The following ME3 variants were observed in gnomAD, a reference collection of about 807,000 sequenced individuals.
ME3 encodes the protein malic enzyme 3, also known as NADP-dependent malic enzyme, mitochondrial.
A neutral mutation model predicts 68.9 loss-of-function variants in ME3; 48 were observed. The ratio of observed to expected loss-of-function variants is 0.70; its 90% confidence interval spans 0.55 to 0.89. The LOEUF is 0.89. Among genes scored for constraint, ME3 ranks in the 40% least tolerant of loss-of-function variants. The pLI is 0.00. For synonymous variants in ME3, 320 were observed against 318.8 expected, an observed-to-expected ratio of 1.00 and a Z score of -0.04; for missense variants, 675 against 797.4, an observed-to-expected ratio of 0.85 and a Z score of 1.85.
intron 4 of ME3, among the ~76,000 whole-genome samples, chr11:86,537,138 G>C (rs1300541574): frequency 6.7e-6 from 1 of 149,246 alleles, no homozygotes; most frequent in African/African-American, 2.5e-5. Context: ...GACTGTTGTG[G>C]GGTGGGGGGA....
chr11:86,583,131 C>T (rs7938505), intron 2 of ME3, among the ~76,000 whole-genome samples: 77,882 of 151,792 alleles, frequency 0.51, 21,537 homozygotes, highest in African/African-American at 0.72. Flanking sequence ...CTGTCCACCA[C>T]CAGACCCACC....
intron 4 of ME3, among the ~76,000 whole-genome samples, chr11:86,531,377 A>T (rs1307371047): frequency 1.3e-5 from 2 of 152,078 alleles, no homozygotes; most frequent in African/African-American, 4.8e-5. Flanking sequence ...GTGGAGAAAT[A>T]GGAACACTTT....
chr11:86,537,363 C>A (rs1212357189), intron 4 of ME3, among the ~76,000 whole-genome samples: 1 of 151,382 alleles, frequency 6.6e-6, no homozygotes, highest in Non-Finnish European at 1.5e-5. Context: ...ATAATAATTG[C>A]AAATTAAGTT....
In ME3 at chr11:86,494,109, G is replaced by C. The variant is rs1006160902; in HGVS notation, c.705+3854C>G. ...CACATAGTGAATCCATTTGAAAAGA[G>C]AAAAATCACCATCTTCCTAATGTTG... On this transcript the variant is annotated intron_variant, in intron 6 of 14. Coordinates refer to ENST00000543262, the Ensembl canonical transcript of ME3. Among the ~76,000 whole-genome samples the C allele has an allele frequency of 2.6e-5, 4 of 151,906 alleles. No homozygotes were observed. The East Asian group carries it at 7.7e-4, about 29-fold the overall frequency.
intron 2 of ME3, among the ~76,000 whole-genome samples, chr11:86,591,998 G>A (rs1180963517): frequency 1.3e-5 from 2 of 152,156 alleles, no homozygotes; most frequent in East Asian, 1.9e-4. Flanking sequence ...GCAGTGTTTT[G>A]TTATGGGAGC....
At chr11:86,520,796 T>C (rs1259091723) in intron 4 of ME3, among the ~76,000 whole-genome samples, 2 of 152,158 alleles carry the variant, frequency 1.3e-5, no homozygotes, top group Non-Finnish European at 2.9e-5. Context: ...TTTCTCTGAA[T>C]GTGAGAATGG....
At chr11:86,477,229 A>C (rs961992708) in intron 7 of ME3, among the ~76,000 whole-genome samples, 1 of 152,226 alleles carries the variant, frequency 6.6e-6, no homozygotes, top group African/African-American at 2.4e-5. Flanking sequence ...ATTGGAACTC[A>C]GGCAGTCTAG....
intron 2 of ME3, among the ~76,000 whole-genome samples, chr11:86,650,431 T>C (rs1225181220): frequency 1.3e-5 from 2 of 152,164 alleles, no homozygotes; most frequent in Non-Finnish European, 2.9e-5. Context: ...CCAAAAGCAA[T>C]GGCAACAGAA....
rs567185932 is a variant in ME3, at chr11:86,475,683, T to G, written c.810-10483A>C. ...GGCCTTGGGGAAATAATTTTCTCTT[T>G]GGGTCTCAGTTTCCTCATCTAAAAA... On this transcript the variant is annotated intron_variant, in intron 7 of 14. Coordinates refer to ENST00000543262, the Ensembl canonical transcript of ME3. Among the ~76,000 whole-genome samples, 326 of 152,142 alleles carry G rather than the reference T, an allele frequency of 2.1e-3. 3 individuals carry two copies. The highest frequency in any genetic ancestry group is 7.5e-3 in the African/African-American group (313 of 41,488).
At chr11:86,442,527 T>C (rs1410500904) in intron 14 of ME3, among the ~76,000 whole-genome samples, 1 of 152,192 alleles carries the variant, frequency 6.6e-6, no homozygotes, top group Admixed American at 6.5e-5. Flanking sequence ...AAATGGGCGC[T>C]TATGAGTCAT....
chr11:86,479,853 C>T (rs776789097), intron 7 of ME3, among the ~76,000 whole-genome samples: 1 of 151,034 alleles, frequency 6.6e-6, no homozygotes. Flanking sequence ...CTCACTCTGT[C>T]GCCCAGGCTG....
intron 2 of ME3, among the ~76,000 whole-genome samples, chr11:86,560,742 G>GTATATATATATATATATATATATATA (rs1201892920): frequency 1.7e-5 from 1 of 58,330 alleles, no homozygotes; most frequent in Non-Finnish European, 3.8e-5. Context: ...GTGTGTGTGT[G>GTATATATATATATATATATATATATA]TGTGTGTATA....
At chr11:86,596,605 G>A (rs1959494774) in intron 2 of ME3, among the ~76,000 whole-genome samples, 1 of 152,146 alleles carries the variant, frequency 6.6e-6, no homozygotes, top group African/African-American at 2.4e-5. Flanking sequence ...ACTTTAAGAA[G>A]GCTTCTCACC....
At chr11:86,500,466 T>G (rs1383698879) in intron 5 of ME3, among the ~76,000 whole-genome samples, 1 of 152,222 alleles carries the variant, frequency 6.6e-6, no homozygotes, top group African/African-American at 2.4e-5. Flanking sequence ...TTCCAACAGT[T>G]TCACAACCAG....
intron 2 of ME3, among the ~76,000 whole-genome samples, chr11:86,633,289 T>C (rs1368638087): frequency 6.6e-6 from 1 of 152,186 alleles, no homozygotes; most frequent in Non-Finnish European, 1.5e-5. Context: ...TTCCTGGGCT[T>C]TGTGTGTTTT....
chr11:86,525,071 A>T (rs1954631575), intron 4 of ME3, among the ~76,000 whole-genome samples: 1 of 152,216 alleles, frequency 6.6e-6, no homozygotes, highest in Admixed American at 6.5e-5. Context: ...AACTTGCAAA[A>T]CATTGATATT....
At chr11:86,518,966 C>T (rs76025597) in intron 4 of ME3, among the ~76,000 whole-genome samples, 2,619 of 152,298 alleles carry the variant, frequency 0.017, 37 homozygotes, top group Non-Finnish European at 0.03. Context: ...CAAGGAGTGT[C>T]CCCCACAGGT....
intron 2 of ME3, among the ~76,000 whole-genome samples, chr11:86,654,861 C>G (rs989565778): frequency 1.2e-4 from 19 of 152,198 alleles, no homozygotes; most frequent in Non-Finnish European, 2.2e-4. Context: ...TCGTCTCAGC[C>G]CAAAATCTCC....
intron 8 of ME3, among the ~76,000 whole-genome samples, chr11:86,451,729 G>A (rs569152744): frequency 1.8e-4 from 28 of 152,308 alleles, no homozygotes; most frequent in African/African-American, 5.5e-4. Context: ...TTCTTTCCTC[G>A]TCTGTAATGC....
Sources: gnomAD v4.1 joint callset for allele counts (sites outside exome capture counted in the v4.1 genomes callset) on GRCh38, gnomAD v4.1.1 for gene constraint, MANE v1.5 for transcripts, NCBI Gene and HGNC (gene_info 2026-07-23, HGNC 2026-07-21) for gene names.